The following NAALADL2 variants were observed in gnomAD, a reference collection of about 807,000 sequenced individuals.
NAALADL2 encodes N-acetylated alpha-linked acidic dipeptidase like 2.
A neutral mutation model predicts 87.2 loss-of-function variants in NAALADL2; 76 were observed. The ratio of observed to expected loss-of-function variants is 0.87; its 90% CI spans 0.72 to 1.05. The LOEUF (loss-of-function observed/expected upper bound fraction) is 1.05. NAALADL2 is among the 50% of genes least tolerant of loss of function. The probability of loss-of-function intolerance (pLI) is 0.00; values close to 1 mark genes in which losing one functional copy is unlikely to be tolerated. For missense variants in NAALADL2, 1,089 were observed against 945.8 expected, an observed-to-expected ratio of 1.15 and a Z score of -1.99; for synonymous variants, 354 against 331.0, an observed-to-expected ratio of 1.07 and a Z score of -0.75.
At chr3:175,132,090 ATT>A (rs1728076125) in intron 2 of NAALADL2, among the ~76,000 whole-genome samples, 1 of 125,160 alleles carries the variant, frequency 8.0e-6, no homozygotes, top group Admixed American at 7.8e-5. Context: ...CGGGGGGCTG[ATT>A]CCACCACCTC....
At chr3:175,620,160 G>A (rs1726003527) in intron 10 of NAALADL2, among the ~76,000 whole-genome samples, 2 of 152,056 alleles carry the variant, frequency 1.3e-5, no homozygotes, top group Admixed American at 6.5e-5. Flanking sequence ...AATGACATAG[G>A]ATTCCTTTGG....
At chr3:175,783,158 C>A (rs1751400383) in intron 13 of NAALADL2, among the ~76,000 whole-genome samples, 1 of 152,130 alleles carries the variant, frequency 6.6e-6, no homozygotes, top group South Asian at 2.1e-4. Context: ...CAGCTTTGTT[C>A]TTTTGACTTA....
chr3:174,509,878 C>T (rs1380227557), intron 1 of NAALADL2, among the ~76,000 whole-genome samples: 1 of 152,036 alleles, frequency 6.6e-6, no homozygotes, highest in African/African-American at 2.4e-5. Flanking sequence ...TGGGGGGATG[C>T]AGTGCAGTCC....
chr3:174,558,010 ACC>A (rs1713075679), intron 2 of NAALADL2, among the ~76,000 whole-genome samples: 1 of 152,130 alleles, frequency 6.6e-6, no homozygotes, highest in Admixed American at 6.6e-5. Flanking sequence ...TCAGGGAGGC[ACC>A]CTCTGCCTGG....
At chr3:175,086,072 A>G (rs960792980) in intron 1 of NAALADL2, among the ~76,000 whole-genome samples, 1 of 152,248 alleles carries the variant, frequency 6.6e-6, no homozygotes, top group Non-Finnish European at 1.5e-5. Flanking sequence ...GTCAGAGACT[A>G]TGACTCCAAA....
chr3:175,306,247 T>C (rs1362163016), intron 4 of NAALADL2, among the ~76,000 whole-genome samples: 1 of 152,168 alleles, frequency 6.6e-6, no homozygotes, highest in Non-Finnish European at 1.5e-5. Context: ...AGTACATTGC[T>C]ACATTAATGA....
chr3:175,134,263 C>T (rs77464177), intron 2 of NAALADL2, among the ~76,000 whole-genome samples: 155 of 152,310 alleles, frequency 1.0e-3, no homozygotes, highest in African/African-American at 3.5e-3. Context: ...AGACAAATTG[C>T]TTCAAGGTAA....
chr3:174,556,531 T>A (rs1053972102), intron 2 of NAALADL2, among the ~76,000 whole-genome samples: 4 of 151,214 alleles, frequency 2.6e-5, no homozygotes, highest in Non-Finnish European at 5.9e-5. Context: ...TCTCTTGGTT[T>A]AAAAAAAAAT....
intron 2 of NAALADL2, among the ~76,000 whole-genome samples, chr3:174,585,325 G>A (rs1314686225): frequency 1.3e-5 from 2 of 152,098 alleles, no homozygotes; most frequent in Non-Finnish European, 2.9e-5. Context: ...CTAAAATATT[G>A]ATTCTAATCT....
intron 1 of NAALADL2, among the ~76,000 whole-genome samples, chr3:174,998,198 T>C (rs1443601905): frequency 1.3e-5 from 2 of 152,204 alleles, no homozygotes; most frequent in African/African-American, 4.8e-5. Context: ...ATGAATTCAT[T>C]TGATCCTCAC....
chr3:174,818,120 G>T (rs1438425857), intron 3 of NAALADL2, among the ~76,000 whole-genome samples: 1 of 152,138 alleles, frequency 6.6e-6, no homozygotes, highest in African/African-American at 2.4e-5. Context: ...TGTGCACTCT[G>T]TTATGCATCT....
chr3:175,318,500 T>C (rs1322912841), intron 4 of NAALADL2, among the ~76,000 whole-genome samples: 2 of 152,194 alleles, frequency 1.3e-5, no homozygotes, highest in Non-Finnish European at 2.9e-5. Flanking sequence ...CAAAAAACTT[T>C]TGTTAGTTTT....
At chr3:175,283,563 T>C (rs970310649) in intron 4 of NAALADL2, among the ~76,000 whole-genome samples, 7 of 152,108 alleles carry the variant, frequency 4.6e-5, no homozygotes, top group Admixed American at 4.6e-4. Flanking sequence ...AAATAATTTA[T>C]CATTCTGTAC....
At chr3:175,323,662 A>C (rs551971512) in intron 4 of NAALADL2, among the ~76,000 whole-genome samples, 1 of 145,676 alleles carries the variant, frequency 6.9e-6, no homozygotes, top group African/African-American at 2.7e-5. Flanking sequence ...AACCGGAGGA[A>C]AAAAAAAAAG....
At chr3:174,568,578 AC>A (rs1714564416) in intron 2 of NAALADL2, among the ~76,000 whole-genome samples, 1 of 151,924 alleles carries the variant, frequency 6.6e-6, no homozygotes, top group Admixed American at 6.6e-5. Flanking sequence ...AATGAGCCAC[AC>A]AGAAAATCAT....
intron 9 of NAALADL2, among the ~76,000 whole-genome samples, chr3:175,538,354 C>G (rs6789307): frequency 1.3e-5 from 2 of 151,394 alleles, no homozygotes; most frequent in Non-Finnish European, 2.9e-5. Flanking sequence ...TTTTTTCCTC[C>G]TTAAGTAAAG....
At chr3:175,165,497 A>G (rs1466061001) in intron 2 of NAALADL2, among the ~76,000 whole-genome samples, 4 of 152,314 alleles carry the variant, frequency 2.6e-5, no homozygotes, top group African/African-American at 7.2e-5. Context: ...AAAAGTTAAT[A>G]AAATCATGGA....
chr3:174,498,611 A>C, intron 1 of NAALADL2, among the ~76,000 whole-genome samples: 1 of 150,152 alleles, frequency 6.7e-6, no homozygotes, highest in Non-Finnish European at 1.5e-5. Flanking sequence ...TTTAAAAGAT[A>C]AACTATATAT....
chr3:175,045,666 G>A (rs899226982), intron 1 of NAALADL2, among the ~76,000 whole-genome samples: 2 of 152,118 alleles, frequency 1.3e-5, no homozygotes, highest in Non-Finnish European at 2.9e-5. Context: ...TGTCAGTTCT[G>A]TTGCCTCTGA....
Sources: gnomAD v4.1 joint callset for allele counts (sites outside exome capture counted in the v4.1 genomes callset) on GRCh38, gnomAD v4.1.1 for gene constraint, MANE v1.5 for transcripts, NCBI Gene and HGNC (gene_info 2026-07-23, HGNC 2026-07-21) for gene names.